Variants in LINGO2 observed in about 807,000 individuals in gnomAD.
The protein encoded by LINGO2 is leucine-rich repeat and immunoglobulin-like domain-containing nogo receptor-interacting protein 2.
Under a neutral mutation model 30.6 loss-of-function variants are expected in LINGO2, and 14 were observed. The observed-to-expected ratio is 0.46, with a 90% confidence interval of 0.30 to 0.72. The LOEUF (loss-of-function observed/expected upper bound fraction) is 0.72. Among genes scored for constraint, LINGO2 ranks in the 30% least tolerant of loss-of-function variants. LINGO2 has a pLI of 0.07. For missense variants in LINGO2, 729 were observed against 751.7 expected, an observed-to-expected ratio of 0.97 and a Z score of 0.35; for synonymous variants, 317 against 288.5, an observed-to-expected ratio of 1.10 and a Z score of -1.00.
chr9:28,592,408 G>C (rs939695), intron 1 of LINGO2, among the ~76,000 whole-genome samples: 25,663 of 152,036 alleles, frequency 0.17, 2,493 homozygotes, highest in Admixed American at 0.28. Flanking sequence ...AGTTGATTCA[G>C]AGACTCAAGT....
the LINGO2 span, among the ~76,000 whole-genome samples, chr9:28,742,317 A>G: frequency 1.4e-5 from 2 of 146,548 alleles, no homozygotes; most frequent in African/African-American, 5.1e-5. Flanking sequence ...GTAATCTTTT[A>G]CCTAGTTTCT....
the LINGO2 span, among the ~76,000 whole-genome samples, chr9:28,745,970 T>C: frequency 3.9e-5 from 6 of 152,008 alleles, no homozygotes; most frequent in African/African-American, 1.5e-4. Context: ...AGATAAAATA[T>C]ACAAACTATC....
chr9:28,158,377 C>T (rs1469336836), intron 4 of LINGO2, among the ~76,000 whole-genome samples: 1 of 152,136 alleles, frequency 6.6e-6, no homozygotes, highest in Non-Finnish European at 1.5e-5. Context: ...GCAGCCAAAC[C>T]ATATCAAGTG....
chr9:28,319,364 A>G (rs1164224449), intron 3 of LINGO2, among the ~76,000 whole-genome samples: 1 of 152,046 alleles, frequency 6.6e-6, no homozygotes, highest in African/African-American at 2.4e-5. Context: ...TCTTATATGG[A>G]TTTATATGAT....
intron 1 of LINGO2, among the ~76,000 whole-genome samples, chr9:28,621,381 A>G (rs1826384131): frequency 6.6e-6 from 1 of 151,874 alleles, no homozygotes; most frequent in Non-Finnish European, 1.5e-5. Context: ...CTGTCTTTCC[A>G]AAATGTTTTC....
intron 5 of LINGO2, among the ~76,000 whole-genome samples, chr9:27,988,767 T>C (rs1204458532): frequency 1.3e-5 from 2 of 151,976 alleles, no homozygotes; most frequent in African/African-American, 2.4e-5. Context: ...GTTCTTTCTC[T>C]ACTCTTCCTA....
At chr9:28,857,965 T>G in the LINGO2 span, among the ~76,000 whole-genome samples, 1 of 151,816 alleles carries the variant, frequency 6.6e-6, no homozygotes, top group Non-Finnish European at 1.5e-5. Flanking sequence ...ATGCGGCCCG[T>G]TCAACATCCC....
chr9:28,042,516 G>A (rs16912380), intron 4 of LINGO2, among the ~76,000 whole-genome samples: 4,298 of 152,232 alleles, frequency 0.028, 200 homozygotes, highest in African/African-American at 0.098. Context: ...TATAGAAGAG[G>A]AAGTGTTATA....
At chr9:28,684,854 G>A in the LINGO2 span, among the ~76,000 whole-genome samples, 1 of 152,042 alleles carries the variant, frequency 6.6e-6, no homozygotes, top group Non-Finnish European at 1.5e-5. Context: ...TTTAGGTTCA[G>A]AGGTACATGT....
chr9:28,516,442 G>A (rs182718835), intron 1 of LINGO2, among the ~76,000 whole-genome samples: 40 of 152,300 alleles, frequency 2.6e-4, no homozygotes, highest in Admixed American at 3.9e-4. Flanking sequence ...CTTTGGTGGA[G>A]ATGGAGCCAC....
intron 2 of LINGO2, among the ~76,000 whole-genome samples, chr9:28,414,795 T>G (rs890997238): frequency 2.0e-5 from 3 of 152,084 alleles, no homozygotes; most frequent in Non-Finnish European, 2.9e-5. Flanking sequence ...GATATTTGTT[T>G]TACAGAAAGT....
chr9:29,148,295 G>C, the LINGO2 span, among the ~76,000 whole-genome samples: 1 of 152,084 alleles, frequency 6.6e-6, no homozygotes, highest in Non-Finnish European at 1.5e-5. Context: ...TTCACTAAGA[G>C]AAAACAGTTA....
intron 5 of LINGO2, among the ~76,000 whole-genome samples, chr9:27,989,991 C>G (rs533279464): frequency 6.6e-6 from 1 of 151,996 alleles, no homozygotes; most frequent in Admixed American, 6.6e-5. Flanking sequence ...GCTCTAGGAA[C>G]CTCAATCAAG....
chr9:28,155,829 A>C (rs1403017861), intron 4 of LINGO2, among the ~76,000 whole-genome samples: 8 of 152,158 alleles, frequency 5.3e-5, no homozygotes, highest in Non-Finnish European at 1.0e-4. Flanking sequence ...GACCATAGGA[A>C]GTGCTTTCAT....
At chr9:28,386,106 C>G (rs566545052) in intron 2 of LINGO2, among the ~76,000 whole-genome samples, 1 of 152,300 alleles carries the variant, frequency 6.6e-6, no homozygotes, top group African/African-American at 2.4e-5. Context: ...TTATATCCCT[C>G]TGCCTGCCTG....
intron 4 of LINGO2, among the ~76,000 whole-genome samples, chr9:28,018,747 G>A (rs1822965658): frequency 6.6e-6 from 1 of 152,100 alleles, no homozygotes; most frequent in Admixed American, 6.6e-5. Flanking sequence ...TTGCTGGGGG[G>A]AATGTAAATT....
At chr9:28,880,403 T>A in the LINGO2 span, among the ~76,000 whole-genome samples, 1 of 152,034 alleles carries the variant, frequency 6.6e-6, no homozygotes, top group African/African-American at 2.4e-5. Context: ...AAGGTTTAAG[T>A]GATCTAGGGC....
chr9:28,189,365 G>GGA (rs1819684346), intron 4 of LINGO2, among the ~76,000 whole-genome samples: 4 of 2,156 alleles, frequency 1.9e-3, no homozygotes, highest in Non-Finnish European at 2.5e-3. Flanking sequence ...GGGAGGGAGG[G>GGA]AGGAAGGGAG....
chr9:28,301,791 T>A (rs1254422013), intron 3 of LINGO2, among the ~76,000 whole-genome samples: 2 of 152,002 alleles, frequency 1.3e-5, no homozygotes, highest in African/African-American at 4.8e-5. Flanking sequence ...TTTTCCAAGG[T>A]CTAAATGAAA....
Sources: allele counts gnomAD v4.1 joint callset (sites outside exome capture counted in the v4.1 genomes callset), GRCh38; gene constraint gnomAD v4.1.1; transcripts MANE v1.5; gene names NCBI Gene and HGNC (gene_info 2026-07-23, HGNC 2026-07-21).